MAST3: variants seen among roughly 807,000 people sequenced by gnomAD.
MAST3 encodes the protein microtubule associated serine/threonine kinase 3.
A neutral mutation model predicts 127.0 loss-of-function variants in MAST3; 43 were observed. That is an observed-to-expected ratio of 0.34 (90% confidence interval 0.27 to 0.44). The LOEUF (loss-of-function observed/expected upper bound fraction) is 0.44. Ranked by LOEUF, MAST3 falls within the 20% of genes least tolerant of loss-of-function variation. The pLI is 1.00. For missense variants in MAST3, 1,390 were observed against 1,919.1 expected, an observed-to-expected ratio of 0.72 and a Z score of 5.15; for synonymous variants, 785 against 809.2, an observed-to-expected ratio of 0.97 and a Z score of 0.51.
At chr19:18,130,808 G>A (rs2041194208) in intron 14 of MAST3, 106 bp downstream of exon 14, 2 of 1,146,460 alleles carry the variant, frequency 1.7e-6, no homozygotes, top group South Asian at 2.8e-5. Flanking sequence ...CCTCCATGAG[G>A]TCTCACCCTG....
chr19:18,125,113 A>G (rs562910002), intron 11 of MAST3, among the ~76,000 whole-genome samples: 10 of 149,882 alleles, frequency 6.7e-5, no homozygotes, highest in Non-Finnish European at 8.8e-5. Flanking sequence ...TCTCAAAAAA[A>G]CAAAAAAAGA....
Position 18,143,887 on chromosome 19 carries a change from T to A in MAST3, c.2464T>A (p.Ser822Thr), listed in dbSNP as rs764571414. Residue 822 changes from serine (S) to threonine (T), a missense_variant, in exon 22 of 28, where the codon TCA becomes ACA. Physicochemically the swap from Ser to Thr is moderately conservative, Grantham distance 58. Coordinates refer to ENST00000687212, the MANE Select transcript of MAST3 (RefSeq NM_001393504.1). ...CACAATGCCCAAGTTTGCCTTCTCA[T>A]CAGAGGATGAGGGGGTAGGCCCAGG... Reference protein sequence around the residue: ...LDTMPKFAFSSEDEGVGPGPA... With the variant: ...LDTMPKFAFSTEDEGVGPGPA... 9.9e-6 allele frequency: 16 copies of A among 1,613,898 alleles called. No homozygotes were observed. Among genetic ancestry groups the A allele is most frequent in the Non-Finnish European group, 1.0e-5 (12 of 1,179,878 alleles).
At chr19:18,121,664 T>A (rs773048720) in intron 3 of MAST3, 21 bp from the exon 4 acceptor site, 2 of 1,610,330 alleles carry the variant, frequency 1.2e-6, no homozygotes, top group Admixed American at 3.3e-5. Flanking sequence ...CCACCTACCC[T>A]GTCCCCTTTT....
chr19:18,109,469 G>C (rs1268632714), intron 2 of MAST3, among the ~76,000 whole-genome samples: 1 of 152,176 alleles, frequency 6.6e-6, no homozygotes, highest in African/African-American at 2.4e-5. Flanking sequence ...TGGACCTTGG[G>C]GCAGGACAGA....
chr19:18,135,045 C>T, intron 17 of MAST3, 63 bp downstream of exon 17: 4 of 1,515,466 alleles, frequency 2.6e-6, no homozygotes, highest in Non-Finnish European at 3.6e-6. Context: ...GGCAGCGGTC[C>T]TCCACCCGCA....
intron 1 of MAST3, among the ~76,000 whole-genome samples, chr19:18,105,144 A>G (rs1437518306): frequency 1.3e-5 from 2 of 152,164 alleles, no homozygotes; most frequent in African/African-American, 4.8e-5. Context: ...AGGTGGATGG[A>G]TCACTTGAGG....
In MAST3 at chr19:18,145,998, T is replaced by G; in HGVS notation, c.3162+133T>G. 9.0e-7 allele frequency: 1 copy of G among 1,111,658 alleles called. No individual in the cohort carries two copies. The highest frequency in any genetic ancestry group is 1.2e-6 in the Non-Finnish European group (1 of 814,998). 68.9% of individuals were successfully genotyped at this position (1,111,658 alleles called of 1,614,324 possible). ...TCAACTCCAGGCCTGGCACATCCAC[T>G]TCCTTCGGCCCAGAATACATGTCCT... On this transcript the variant is annotated intron_variant, in intron 25 of 27. Transcript: ENST00000687212. The surrounding 1 kb of genome is among the most constrained non-coding windows in gnomAD (Gnocchi z 5.9).
At position 18,130,504 on chromosome 19, in the gene MAST3, C is replaced by A. The variant is rs1200825917; in HGVS notation, c.1234C>A (p.Leu412Met). The change falls in exon 14 of 28, where the codon CTG (leucine) becomes ATG (methionine). Residue 412 changes from leucine to methionine, a missense_variant. By Grantham distance (15) the Leu-to-Met change is conservative. Around this residue, in one of 5 missense-constraint regions of MAST3, gnomAD observed 277 missense variants for 384.8 expected, o/e 0.72. Coordinates refer to ENST00000687212, the MANE Select transcript of MAST3 (RefSeq NM_001393504.1). The stretch of plus-strand genomic sequence containing the variant: ...GCCCTCTGTCCCCAGGGCCGTCTAC[C>A]TGGTGCGGCACCGTGACACACGGCA... ...ISNGAYGAVY[L>M]VRHRDTRQRF... 6.2e-7 allele frequency: 1 copy of A among 1,601,844 alleles called. No individual in the cohort carries two copies. The highest frequency in any genetic ancestry group is 8.5e-7 in the Non-Finnish European group (1 of 1,173,952).
intron 1 of MAST3, among the ~76,000 whole-genome samples, chr19:18,105,766 C>T (rs915639907): frequency 6.6e-6 from 1 of 152,162 alleles, no homozygotes; most frequent in African/African-American, 2.4e-5. Context: ...AAGCTCACGG[C>T]TTTCTATCCT....
intron 15 of MAST3, 45 bp downstream of exon 15, chr19:18,132,092 A>G (rs1216859772): frequency 1.9e-6 from 3 of 1,607,246 alleles, no homozygotes; most frequent in Non-Finnish European, 2.6e-6. Context: ...GGGCGGGGCC[A>G]GAGAGGATCA....
chr19:18,147,672 G>GAA, intron 27 of MAST3, 48 bp downstream of exon 27: 2 of 1,346,250 alleles, frequency 1.5e-6, no homozygotes, highest in Non-Finnish European at 2.0e-6. Flanking sequence ...TGGGAGCAAG[G>GAA]GCTGGTGGGC....
In MAST3 at chr19:18,123,614, A is replaced by T; in HGVS notation, c.592A>T (p.Ile198Phe). The T allele has an allele frequency of 6.3e-7, 1 of 1,595,290 alleles. No individual in the cohort carries two copies. Among genetic ancestry groups the T allele is most frequent in the Admixed American group, 1.8e-5 (1 of 56,914 alleles). The part of the protein sequence containing the change: ...GRATGTFDNE[I>F]VMMNHVYRER... ...TGCAACGGGGACCTTCGACAATGAG[A>T]TTGTCATGATGAATCACGTGTACCG... The change falls in exon 8 of 28, where the codon ATT becomes TTT. Residue 198 changes from isoleucine (I) to phenylalanine (F), a missense_variant. Coordinates refer to ENST00000687212, the MANE Select transcript of MAST3 (RefSeq NM_001393504.1).
chr19:18,117,606 T>G (rs1349395036), intron 3 of MAST3, among the ~76,000 whole-genome samples: 1 of 151,922 alleles, frequency 6.6e-6, no homozygotes, highest in Non-Finnish European at 1.5e-5. Context: ...TTCCAAGCAG[T>G]GGGGCCAGGG....
At chr19:18,129,241 C>T in intron 13 of MAST3, 1 of 438,626 alleles carries the variant, frequency 2.3e-6, no homozygotes, top group Non-Finnish European at 4.1e-6. Context: ...GTGGGAGTAG[C>T]ACGCAGTGAG....
intron 1 of MAST3, among the ~76,000 whole-genome samples, chr19:18,106,720 C>T (rs1187541361): frequency 1.3e-5 from 2 of 151,396 alleles, no homozygotes; most frequent in East Asian, 1.9e-4. Context: ...TACAGGCACC[C>T]ACCACCATGC....
intron 19 of MAST3, 21 bp downstream of exon 19, chr19:18,137,382 A>T (rs557120918): frequency 6.2e-7 from 1 of 1,604,872 alleles, no homozygotes; most frequent in Admixed American, 1.7e-5. Flanking sequence ...ATCCCCCTGG[A>T]GGGGGGGCGG....
chr19:18,133,539 C>T (rs951855388), intron 15 of MAST3, among the ~76,000 whole-genome samples: 3 of 147,662 alleles, frequency 2.0e-5, no homozygotes, highest in Non-Finnish European at 3.0e-5. Context: ...GCCACCACTA[C>T]GCCCAGCTAA....
At chr19:18,102,759 C>T (rs1258248918) in intron 1 of MAST3, among the ~76,000 whole-genome samples, 2 of 152,056 alleles carry the variant, frequency 1.3e-5, no homozygotes, top group Non-Finnish European at 2.9e-5. Context: ...GGATTACAGG[C>T]GTGAGCCACC....
rs766369438 is a variant in MAST3, at chr19:18,134,904, G to A, written c.1792G>A (p.Val598Ile). 1.1e-5 allele frequency: 17 copies of A among 1,613,856 alleles called. No individual in the cohort carries two copies. The highest frequency in any genetic ancestry group is 8.0e-5 in the African/African-American group (6 of 74,876). Residue 598 changes from valine (V) to isoleucine (I), a missense_variant, in exon 17 of 28, where the codon GTC becomes ATC. Val to Ile is a conservative substitution (Grantham distance 29, BLOSUM62 3). This residue lies in a region of MAST3 where 191 missense variants were observed against 409.0 expected (regional missense o/e 0.47). Coordinates refer to ENST00000687212, the MANE Select transcript of MAST3 (RefSeq NM_001393504.1). ...KPVDWWAMGVVLYEFLVGCVP... is the reference protein window; with the variant it reads ...KPVDWWAMGVILYEFLVGCVP... ...AGTGGACTGGTGGGCCATGGGCGTCGTCCTCTATGAGTTTCTGGTGGGCTG... is the reference window on the plus strand; with the variant it reads ...AGTGGACTGGTGGGCCATGGGCGTCATCCTCTATGAGTTTCTGGTGGGCTG...
Sources: gnomAD v4.1 joint callset for allele counts (sites outside exome capture counted in the v4.1 genomes callset) on GRCh38, gnomAD v4.1.1 for gene constraint, gnomAD v4.1.1 regional missense constraint, Gnocchi (gnomAD v3.1) non-coding constraint, MANE v1.5 for transcripts, NCBI Gene and HGNC (gene_info 2026-07-23, HGNC 2026-07-21) for gene names.